SMOC2: variants seen among roughly 807,000 people sequenced by gnomAD.
SMOC2 encodes the protein SPARC related modular calcium binding 2, also known as SPARC-related modular calcium-binding protein 2.
In SMOC2, 39 loss-of-function variants were observed where a neutral mutation model predicts 61.4. The ratio of observed to expected loss-of-function variants is 0.64; its 90% CI spans 0.49 to 0.83. SMOC2 has a LOEUF of 0.83. Ranked by LOEUF, SMOC2 falls within the 40% of genes least tolerant of loss-of-function variation. The probability of loss-of-function intolerance (pLI) is 0.00; values close to 1 mark genes in which losing one functional copy is unlikely to be tolerated. For missense variants in SMOC2, 556 were observed against 592.9 expected, an observed-to-expected ratio of 0.94 and a Z score of 0.65; for synonymous variants, 247 against 239.9, an observed-to-expected ratio of 1.03 and a Z score of -0.27.
At chr6:168,481,200 G>C (rs1782198257) in intron 1 of SMOC2, among the ~76,000 whole-genome samples, 1 of 152,002 alleles carries the variant, frequency 6.6e-6, no homozygotes, top group Non-Finnish European at 1.5e-5. Flanking sequence ...ATTGTAACAT[G>C]GTTTAAAACT....
intron 7 of SMOC2, among the ~76,000 whole-genome samples, chr6:168,591,103 T>C (rs968174368): frequency 2.6e-5 from 4 of 152,220 alleles, no homozygotes; most frequent in African/African-American, 9.6e-5. Context: ...GGAATTGAAA[T>C]CATGTTTCTA....
At chr6:168,645,680 CA>C (rs1787008000) in intron 9 of SMOC2, among the ~76,000 whole-genome samples, 1 of 152,358 alleles carries the variant, frequency 6.6e-6, no homozygotes, top group South Asian at 2.1e-4. Flanking sequence ...AGGTGCCCAG[CA>C]GGTGTTCTCA....
At chr6:168,511,944 C>T (rs1439839005) in intron 2 of SMOC2, among the ~76,000 whole-genome samples, 1 of 151,526 alleles carries the variant, frequency 6.6e-6, no homozygotes, top group Non-Finnish European at 1.5e-5. Context: ...AGTAAGTGTC[C>T]CTGGGAAGAT....
rs139192971 is a variant in SMOC2, at chr6:168,642,812, A to T, written c.908-7869A>T. Among the ~76,000 whole-genome samples the T allele has an allele frequency of 7.9e-5, 12 of 152,324 alleles. No homozygotes were observed. In the East Asian group the frequency reaches 2.3e-3, roughly 29 times the overall value. On this transcript the variant is annotated intron_variant, in intron 9 of 12. Transcript: ENST00000356284. The stretch of plus-strand genomic sequence containing the variant: ...ACGATACTTTTTTTTCTTATGTTTA[A>T]ACTGCATGGAAAGTTAAAAGTTGGA...
intron 2 of SMOC2, among the ~76,000 whole-genome samples, chr6:168,519,856 G>A (rs1168691243): frequency 2.0e-5 from 3 of 152,346 alleles, no homozygotes; most frequent in Non-Finnish European, 2.9e-5. Flanking sequence ...TCTGAATACT[G>A]TAATATAGTC....
intron 11 of SMOC2, among the ~76,000 whole-genome samples, chr6:168,662,008 T>G (rs1356964949): frequency 6.6e-6 from 1 of 152,258 alleles, no homozygotes; most frequent in Non-Finnish European, 1.5e-5. Context: ...ACTCTGTTTC[T>G]ATTTGCGTTA....
chr6:168,488,775 G>C (rs774949582), intron 1 of SMOC2, among the ~76,000 whole-genome samples: 1 of 142,582 alleles, frequency 7.0e-6, no homozygotes, highest in East Asian at 2.2e-4. Context: ...GAAATATATC[G>C]AATCGTCTGG....
At chr6:168,640,009 A>G (rs1786851951) in intron 9 of SMOC2, among the ~76,000 whole-genome samples, 1 of 152,088 alleles carries the variant, frequency 6.6e-6, no homozygotes, top group Non-Finnish European at 1.5e-5. Flanking sequence ...GGGCATAGAT[A>G]TGCTTTTGTG....
intron 4 of SMOC2, among the ~76,000 whole-genome samples, chr6:168,532,250 G>A (rs1783622979): frequency 6.6e-6 from 1 of 152,122 alleles, no homozygotes; most frequent in Non-Finnish European, 1.5e-5. Context: ...GGAGTGCCCT[G>A]CTGCCCCGGT....
At chr6:168,651,178 A>G (rs563842066) in intron 10 of SMOC2, among the ~76,000 whole-genome samples, 1 of 152,312 alleles carries the variant, frequency 6.6e-6, no homozygotes, top group South Asian at 2.1e-4. Flanking sequence ...AGTTCTCAAA[A>G]CGTGATTAGG....
chr6:168,592,472 AGGG>A lies in SMOC2; in HGVS notation c.638-6344_638-6342del, dbSNP rs748830793. On this transcript the variant is annotated intron_variant, in intron 7 of 12. Transcript: ENST00000356284. ...TCCTCCTCCTTCCTGAGGCCTCACGAGGGGCCTCTTTCTAGAGGATCGCGGAGC... is the reference window on the plus strand; with the variant it reads ...TCCTCCTCCTTCCTGAGGCCTCACGAGCCTCTTTCTAGAGGATCGCGGAGC... Among the ~76,000 whole-genome samples, 5 of 48,650 alleles carry A rather than the reference AGGG, an allele frequency of 1.0e-4. 2 individuals are homozygous for A. Among genetic ancestry groups the A allele is most frequent in the African/African-American group, 1.9e-4 (3 of 15,658 alleles). 31.9% of individuals were successfully genotyped at this position (48,650 alleles called of 152,430 possible).
intron 3 of SMOC2, 86 bp downstream of exon 3, chr6:168,526,538 G>A (rs545905419): frequency 7.1e-5 from 74 of 1,036,548 alleles, no homozygotes; most frequent in Middle Eastern, 2.9e-4. Flanking sequence ...CAGGTGGGGG[G>A]AGCCGAACAG....
At chr6:168,454,195 G>A (rs1349845746) in intron 1 of SMOC2, among the ~76,000 whole-genome samples, 1 of 152,090 alleles carries the variant, frequency 6.6e-6, no homozygotes, top group Non-Finnish European at 1.5e-5. Flanking sequence ...CCCTGTGGCC[G>A]TCTCTCCTGT....
At chr6:168,580,717 G>A (rs756736884) in intron 7 of SMOC2, among the ~76,000 whole-genome samples, 85 of 152,056 alleles carry the variant, frequency 5.6e-4, no homozygotes, top group Middle Eastern at 3.4e-3. Context: ...GATTTTTTTC[G>A]TTTTTCATAG....
At chr6:168,658,556 T>C (rs2115283903) in intron 11 of SMOC2, among the ~76,000 whole-genome samples, 1 of 152,254 alleles carries the variant, frequency 6.6e-6, no homozygotes, top group African/African-American at 2.4e-5. Flanking sequence ...TGCTACAGGG[T>C]CATGTGGTCC....
intron 9 of SMOC2, among the ~76,000 whole-genome samples, chr6:168,621,749 G>A (rs1786252522): frequency 6.6e-6 from 1 of 152,100 alleles, no homozygotes; most frequent in Non-Finnish European, 1.5e-5. Context: ...GCTATCTGGA[G>A]AACAGCATGG....
intron 7 of SMOC2, among the ~76,000 whole-genome samples, chr6:168,583,003 C>T (rs1784956799): frequency 6.6e-6 from 1 of 152,162 alleles, no homozygotes; most frequent in Non-Finnish European, 1.5e-5. Flanking sequence ...GCCTCCGTCA[C>T]CTTCACAGAG....
chr6:168,483,202 C>CA (rs1393975603), intron 1 of SMOC2, among the ~76,000 whole-genome samples: 9 of 151,794 alleles, frequency 5.9e-5, no homozygotes, highest in African/African-American at 2.2e-4. Context: ...CACACACACA[C>CA]ACAAAAAAAC....
chr6:168,538,782 G>C lies in SMOC2; in HGVS notation c.464-4843G>C, dbSNP rs187320652. ...CCTGCTGGAATCTGGGGAGCAGAGCGACCCCTGCTGGAATCTGGGGGAGTG... is the reference window on the plus strand; with the variant it reads ...CCTGCTGGAATCTGGGGAGCAGAGCCACCCCTGCTGGAATCTGGGGGAGTG... On this transcript the variant is annotated intron_variant, in intron 4 of 12. Transcript: ENST00000356284. Among the ~76,000 whole-genome samples, 101 of 141,284 alleles carry C rather than the reference G, an allele frequency of 7.1e-4. 1 individual carries two copies. Among genetic ancestry groups the C allele is most frequent in the African/African-American group, 2.6e-3 (97 of 36,886 alleles). 92.7% of individuals were successfully genotyped at this position (141,284 alleles called of 152,430 possible). A position where few individuals can be genotyped will look rare whatever the true frequency, so the allele number is the denominator to read the frequency against.
Sources: gnomAD v4.1 joint callset for allele counts (sites outside exome capture counted in the v4.1 genomes callset) on GRCh38, gnomAD v4.1.1 for gene constraint, MANE v1.5 for transcripts, NCBI Gene and HGNC (gene_info 2026-07-23, HGNC 2026-07-21) for gene names.